The following ADK variants were observed in gnomAD, a reference collection of about 807,000 sequenced individuals.
ADK encodes N6,N6-dimethyladenosine kinase.
A neutral mutation model predicts 44.7 loss-of-function variants in ADK; 24 were observed. The ratio of observed to expected loss-of-function variants is 0.54; its 90% confidence interval spans 0.39 to 0.76. The LOEUF (loss-of-function observed/expected upper bound fraction) is 0.76. ADK is among the 30% of genes least tolerant of loss of function. The pLI, the probability that ADK is intolerant of heterozygous loss-of-function variation, is 0.00. For missense variants in ADK, 321 were observed against 425.1 expected, an observed-to-expected ratio of 0.76 and a Z score of 2.15; for synonymous variants, 128 against 142.6, an observed-to-expected ratio of 0.90 and a Z score of 0.73.
chr10:74,708,594 T>A lies in ADK; in HGVS notation c.*149T>A, dbSNP rs1856688156. On this transcript the variant is annotated 3_prime_UTR_variant, in exon 11 of 11. Transcript: ENST00000539909. ...TAATTTAGAGGGTACAAGGGTATGGTAATGCTTGTAGAATCTTTATTATCT... is the reference window on the plus strand; with the variant it reads ...TAATTTAGAGGGTACAAGGGTATGGAAATGCTTGTAGAATCTTTATTATCT... 1.4e-5 allele frequency: 12 copies of A among 834,252 alleles called. No homozygotes were observed. The highest frequency in any genetic ancestry group is 1.1e-5 in the Non-Finnish European group (6 of 548,622). The allele number at this position is 834,252 out of a possible 1,614,324, so 51.7% of individuals were successfully genotyped here.
At chr10:74,546,020 C>T (rs1849808460) in intron 7 of ADK, among the ~76,000 whole-genome samples, 1 of 152,130 alleles carries the variant, frequency 6.6e-6, no homozygotes, top group Non-Finnish European at 1.5e-5. Flanking sequence ...CATTTCCTAC[C>T]AGCTTCCAGA....
At chr10:74,361,039 C>T (rs940662681) in intron 4 of ADK, among the ~76,000 whole-genome samples, 7 of 152,290 alleles carry the variant, frequency 4.6e-5, no homozygotes, top group African/African-American at 1.7e-4. Context: ...TCCCAAGTAG[C>T]TGGGACTACA....
Position 74,670,280 on chromosome 10 carries a change from A to C in ADK, c.964+11A>C. 6.3e-7 allele frequency: 1 copy of C among 1,596,580 alleles called. No homozygotes were observed. The highest frequency in any genetic ancestry group is 2.2e-5 in the East Asian group (1 of 44,706). On this transcript the variant is annotated intron_variant, in intron 10 of 10. Coordinates refer to ENST00000539909, the MANE Select transcript of ADK (RefSeq NM_006721.4). ...ATGCATTTGTTGGAGGTACAGACTA[A>C]TTTATTTCATTCTTACTTACAAGTA...
At chr10:74,599,871 T>C (rs192606677) in intron 8 of ADK, among the ~76,000 whole-genome samples, 1 of 152,272 alleles carries the variant, frequency 6.6e-6, no homozygotes, top group East Asian at 1.9e-4. Context: ...GAACTGTATT[T>C]TTTCCAAAGT....
chr10:74,315,024 G>A (rs1390525351), intron 4 of ADK, among the ~76,000 whole-genome samples: 1 of 151,816 alleles, frequency 6.6e-6, no homozygotes. Flanking sequence ...TTACAGATTT[G>A]TAGAAACTTC....
intron 1 of ADK, among the ~76,000 whole-genome samples, chr10:74,192,478 G>A (rs1376181888): frequency 2.0e-5 from 3 of 150,884 alleles, no homozygotes; most frequent in Non-Finnish European, 2.9e-5. Context: ...CGCCCGCCTC[G>A]GCCTCCCAAA....
chr10:74,223,289 C>T (rs1250485604), intron 2 of ADK, among the ~76,000 whole-genome samples: 2 of 152,056 alleles, frequency 1.3e-5, no homozygotes, highest in Non-Finnish European at 2.9e-5. Context: ...AGCTCCCCTC[C>T]CATGATAACC....
chr10:74,208,558 T>C (rs10762582), intron 2 of ADK, among the ~76,000 whole-genome samples: 103 of 152,140 alleles, frequency 6.8e-4, no homozygotes, highest in African/African-American at 2.4e-3. Context: ...AAAAAACAAG[T>C]CTTTGGACCC....
At chr10:74,177,945 A>ATTTTTTTT (rs1158811749) in intron 1 of ADK, among the ~76,000 whole-genome samples, 11 of 108,970 alleles carry the variant, frequency 1.0e-4, no homozygotes, top group East Asian at 9.1e-4. Context: ...ATATATATAT[A>ATTTTTTTT]TTTTTTTTTT....
intron 7 of ADK, among the ~76,000 whole-genome samples, chr10:74,538,004 C>T (rs1438111286): frequency 1.3e-5 from 2 of 152,028 alleles, no homozygotes; most frequent in Non-Finnish European, 2.9e-5. Flanking sequence ...TGCCTGTAAT[C>T]CCAGCACTTT....
chr10:74,426,827 T>TA (rs1844813206), intron 6 of ADK, among the ~76,000 whole-genome samples: 2 of 152,134 alleles, frequency 1.3e-5, no homozygotes, highest in Admixed American at 1.3e-4. Context: ...AGTTCTGGGA[T>TA]ACATGTGCAG....
At chr10:74,225,610 A>C (rs1389433289) in intron 3 of ADK, among the ~76,000 whole-genome samples, 1 of 152,230 alleles carries the variant, frequency 6.6e-6, no homozygotes, top group Non-Finnish European at 1.5e-5. Context: ...AAGGTAACAT[A>C]AATTGTTAAT....
At chr10:74,697,037 G>A (rs945261741) in intron 10 of ADK, among the ~76,000 whole-genome samples, 4 of 152,084 alleles carry the variant, frequency 2.6e-5, no homozygotes, top group African/African-American at 9.7e-5. Flanking sequence ...TTTAAATTTA[G>A]TGTAAAATGA....
intron 4 of ADK, among the ~76,000 whole-genome samples, chr10:74,392,617 T>C (rs748006237): frequency 5.9e-5 from 9 of 152,138 alleles, no homozygotes; most frequent in Non-Finnish European, 1.0e-4. Flanking sequence ...ATTGCCTCCT[T>C]TGCCATGCAG....
At chr10:74,221,332 C>T (rs1035256282) in intron 2 of ADK, among the ~76,000 whole-genome samples, 2 of 150,068 alleles carry the variant, frequency 1.3e-5, no homozygotes, top group South Asian at 2.1e-4. Flanking sequence ...AGGACCTCTT[C>T]AAGGAGAACT....
At chr10:74,154,928 G>C (rs908181062) in intron 1 of ADK, among the ~76,000 whole-genome samples, 1 of 152,028 alleles carries the variant, frequency 6.6e-6, no homozygotes, top group Non-Finnish European at 1.5e-5. Flanking sequence ...TATTCATCAC[G>C]GCAAATATTT....
chr10:74,326,626 C>CA (rs1841029251), intron 4 of ADK, among the ~76,000 whole-genome samples: 1 of 151,874 alleles, frequency 6.6e-6, no homozygotes, highest in Admixed American at 6.6e-5. Flanking sequence ...AAAAACAGAA[C>CA]AAAAATTTTG....
intron 6 of ADK, among the ~76,000 whole-genome samples, chr10:74,521,489 C>G (rs1848834635): frequency 6.6e-6 from 1 of 152,086 alleles, no homozygotes; most frequent in Non-Finnish European, 1.5e-5. Context: ...AATTTTCAGT[C>G]TGAAGTTGGT....
intron 3 of ADK, among the ~76,000 whole-genome samples, chr10:74,283,742 G>A (rs1443445913): frequency 3.1e-5 from 4 of 127,108 alleles, no homozygotes; most frequent in Non-Finnish European, 4.8e-5. Flanking sequence ...GTGCAGTGGC[G>A]CCATCTCTGC....
Sources: allele counts gnomAD v4.1 joint callset (sites outside exome capture counted in the v4.1 genomes callset), GRCh38; gene constraint gnomAD v4.1.1; transcripts MANE v1.5; gene names NCBI Gene and HGNC (gene_info 2026-07-23, HGNC 2026-07-21).